The following LRPPRC variants were observed in gnomAD, a reference collection of about 807,000 sequenced individuals.
The protein encoded by LRPPRC is leucine-rich PPR motif-containing protein, mitochondrial.
Under a neutral mutation model 180.3 loss-of-function variants are expected in LRPPRC, and 120 were observed. The ratio of observed to expected loss-of-function variants is 0.67; its 90% CI spans 0.57 to 0.77. The LOEUF (loss-of-function observed/expected upper bound fraction) is 0.77, where lower values mean the gene tolerates loss of function less well. LRPPRC is among the 30% of genes least tolerant of loss of function. The pLI, the probability that LRPPRC is intolerant of heterozygous loss-of-function variation, is 0.00. For missense variants in LRPPRC, 2,012 were observed against 1,657.2 expected, an observed-to-expected ratio of 1.21 and a Z score of -3.72; for synonymous variants, 723 against 600.0, an observed-to-expected ratio of 1.21 and a Z score of -3.00.
rs116191867 is a variant in LRPPRC at position 43,898,589 on chromosome 2, C to T, written c.3825+630G>A. On this transcript the variant is annotated intron_variant, in intron 34 of 37. Transcript: ENST00000260665. The stretch of plus-strand genomic sequence containing the variant: ...ACTTGGCATAGCTTTATATTTAGTG[C>T]TGTTAAAATGGCATGAATGCAGTTG... Among the ~76,000 whole-genome samples, 365 of 152,268 alleles carry T rather than the reference C, an allele frequency of 2.4e-3. 2 individuals carry two copies. The highest frequency in any genetic ancestry group is 8.4e-3 in the African/African-American group (348 of 41,548).
intron 23 of LRPPRC, among the ~76,000 whole-genome samples, chr2:43,938,182 T>A (rs1672340810): frequency 7.0e-6 from 1 of 142,268 alleles, no homozygotes; most frequent in Non-Finnish European, 1.5e-5. Context: ...ACTATTACCC[T>A]TTATAAAAAA....
chr2:43,903,089 G>C (rs1443642001), intron 31 of LRPPRC: 1 of 152,260 alleles, frequency 6.6e-6, no homozygotes, highest in Non-Finnish European at 1.5e-5. Context: ...GTGTGCACAA[G>C]AGAGCAGAAG....
chr2:43,921,196 G>A (rs978115019), intron 27 of LRPPRC, among the ~76,000 whole-genome samples: 1 of 152,210 alleles, frequency 6.6e-6, no homozygotes, highest in Non-Finnish European at 1.5e-5. Flanking sequence ...GGTGGCTGAG[G>A]CAGGAGAATC....
intron 30 of LRPPRC, among the ~76,000 whole-genome samples, chr2:43,911,520 C>CTTTTTTTTTTTTTT (rs755010502): frequency 8.8e-6 from 1 of 113,486 alleles, no homozygotes. Context: ...TCTTCTTCTT[C>CTTTTTTTTTTTTTT]TTCTTTTTTT....
chr2:43,988,901 A>C (rs1674652016), intron 1 of LRPPRC, among the ~76,000 whole-genome samples: 1 of 152,032 alleles, frequency 6.6e-6, no homozygotes, highest in African/African-American at 2.4e-5. Flanking sequence ...ACAGGGTCTC[A>C]TTCTGTTGTC....
rs527287371 is a variant in LRPPRC at position 43,943,704 on chromosome 2, G to A, written c.2487C>T (p.Val829=). 1.7e-5 allele frequency: 28 copies of A among 1,612,692 alleles called. No individual in the cohort carries two copies. The African/African-American group carries it at 2.7e-4, about 15-fold the overall frequency. Residue 829 remains valine (V), a synonymous_variant, in exon 23 of 38, where the codon GTC becomes GTT. Transcript: ENST00000260665. ...TAACTTACTTTTCCAAGTGTACAGT[G>A]ACCAATGGGAAACTTATGTTGGTGG... The part of the protein sequence containing the change: ...EPSTNISFPL[V]TVHLEKGDLS...
intron 24 of LRPPRC, 34 bp from the exon 25 acceptor site, chr2:43,934,330 A>AG (rs1361107590): frequency 1.9e-6 from 2 of 1,036,998 alleles, no homozygotes; most frequent in Admixed American, 1.9e-5. Context: ...ATATATTAGG[A>AG]GAAAAAAAAA....
At chr2:43,929,861 T>G (rs1672021827) in intron 25 of LRPPRC, among the ~76,000 whole-genome samples, 1 of 152,078 alleles carries the variant, frequency 6.6e-6, no homozygotes, top group South Asian at 2.1e-4. Context: ...CTTGACCAGG[T>G]GTTATAGGAG....
chr2:43,977,050 C>CA lies in LRPPRC; in HGVS notation c.593dup (p.Thr199AspfsTer11). 2.5e-6 allele frequency: 4 copies of CA among 1,613,142 alleles called. No individual in the cohort carries two copies. Among genetic ancestry groups the CA allele is most frequent in the Non-Finnish European group, 3.4e-6 (4 of 1,179,376 alleles). On this transcript the variant is annotated frameshift_variant and splice_region_variant, in exon 5 of 38. Coordinates refer to ENST00000260665, the MANE Select transcript of LRPPRC (RefSeq NM_133259.4). LOFTEE classifies it high-confidence loss of function. ...AAGAAGCAATCAATCTCTGGTATGT[C>CA]ACCTGTCAATGAAATGGGCCAGTTA...
intron 12 of LRPPRC, among the ~76,000 whole-genome samples, chr2:43,960,939 A>G (rs1673322593): frequency 6.6e-6 from 1 of 152,198 alleles, no homozygotes; most frequent in Non-Finnish European, 1.5e-5. Context: ...CAATGCATTA[A>G]TCTAAAATAT....
intron 29 of LRPPRC, among the ~76,000 whole-genome samples, chr2:43,915,731 G>C (rs1254434487): frequency 1.3e-5 from 2 of 152,098 alleles, no homozygotes; most frequent in Non-Finnish European, 2.9e-5. Flanking sequence ...TAACTGAGGA[G>C]GCATAAGAAC....
At chr2:43,945,623 C>T (rs1318129779) in intron 21 of LRPPRC, among the ~76,000 whole-genome samples, 3 of 152,058 alleles carry the variant, frequency 2.0e-5, no homozygotes, top group African/African-American at 7.2e-5. Context: ...AAAAGCCCAA[C>T]ACTACATATA....
chr2:43,900,452 A>G lies in LRPPRC; in HGVS notation c.3570-847T>C, dbSNP rs72798847. ...GTTTTAAGGAATTACTTAATAGTGA[A>G]TATGTTCTCCGAATCATATAAAACT... On this transcript the variant is annotated intron_variant, in intron 32 of 37. Coordinates refer to ENST00000260665, the MANE Select transcript of LRPPRC (RefSeq NM_133259.4). Among the ~76,000 whole-genome samples the G allele has an allele frequency of 3.5e-3, 532 of 152,314 alleles. No individual in the cohort carries two copies. In the Middle Eastern group the frequency reaches 0.041, roughly 12 times the overall value.
Position 43,886,311 on chromosome 2 carries a change from T to A in LRPPRC, c.*2289A>T, listed in dbSNP as rs777772528. Reference sequence around the variant, plus strand: ...GAACATATAATTATATATAAAATACTATAGTTCTCAATAGTTTACAGTGAC... The same window carrying A: ...GAACATATAATTATATATAAAATACAATAGTTCTCAATAGTTTACAGTGAC... On this transcript the variant is annotated 3_prime_UTR_variant, in exon 38 of 38. Coordinates refer to ENST00000260665, the MANE Select transcript of LRPPRC (RefSeq NM_133259.4). Among the ~76,000 whole-genome samples the A allele has an allele frequency of 2.3e-4, 35 of 152,194 alleles. No individual in the cohort carries two copies. Among genetic ancestry groups the A allele is most frequent in the Non-Finnish European group, 2.1e-4 (14 of 68,030 alleles).
intron 22 of LRPPRC, among the ~76,000 whole-genome samples, chr2:43,944,783 C>T (rs547413817): frequency 5.3e-5 from 8 of 152,024 alleles, no homozygotes; most frequent in East Asian, 1.9e-4. Flanking sequence ...ATTATCTCAA[C>T]GAGAAAATTT....
intron 5 of LRPPRC, among the ~76,000 whole-genome samples, chr2:43,976,459 T>A (rs1276147062): frequency 6.6e-6 from 1 of 152,170 alleles, no homozygotes; most frequent in Non-Finnish European, 1.5e-5. Flanking sequence ...ACTAGATTTT[T>A]AAAAATCTGA....
Position 43,890,274 on chromosome 2 carries a change from A to G in LRPPRC, c.3986-398T>C, listed in dbSNP as rs1042132831. On this transcript the variant is annotated intron_variant, in intron 36 of 37. Transcript: ENST00000260665. ...ACTGTGAAATCAAGATAATCCAGGA[A>G]CTGTTGTGGAGAGGGACATGTCAAT... 17 of 446,414 alleles carry G rather than the reference A, an allele frequency of 3.8e-5. No individual in the cohort carries two copies. In the East Asian group the frequency reaches 1.2e-3, roughly 31 times the overall value. The allele number at this position is 446,414 out of a possible 1,614,324, so 27.7% of individuals were successfully genotyped here.
intron 1 of LRPPRC, among the ~76,000 whole-genome samples, chr2:43,994,624 G>A (rs1438604735): frequency 6.6e-6 from 1 of 151,000 alleles, no homozygotes; most frequent in Non-Finnish European, 1.5e-5. Flanking sequence ...GCCTACTGCA[G>A]ATCCCTGGCT....
At chr2:43,988,825 G>C (rs868172409) in intron 1 of LRPPRC, among the ~76,000 whole-genome samples, 1 of 152,102 alleles carries the variant, frequency 6.6e-6, no homozygotes, top group Middle Eastern at 3.4e-3. Context: ...TTACAGGCAT[G>C]AGCCACCACG....
Sources: gnomAD v4.1 joint callset for allele counts (sites outside exome capture counted in the v4.1 genomes callset) on GRCh38, gnomAD v4.1.1 for gene constraint, MANE v1.5 for transcripts, NCBI Gene and HGNC (gene_info 2026-07-23, HGNC 2026-07-21) for gene names.